CYP20A1: variants seen among roughly 807,000 people sequenced by gnomAD.
CYP20A1 encodes cytochrome P450 20A1.
CYP20A1 carries 61 observed loss-of-function variants against 61.4 expected under a neutral mutation model. That is an observed-to-expected ratio of 0.99 (90% CI 0.81 to 1.23). The LOEUF (loss-of-function observed/expected upper bound fraction) is 1.23, where lower values mean the gene tolerates loss of function less well. Ranked by LOEUF, CYP20A1 falls within the 50% of genes most tolerant of loss-of-function variation. The pLI is 0.00. For synonymous variants in CYP20A1, 193 were observed against 188.2 expected (o/e 1.03, Z -0.21); for missense variants, 530 against 542.4 (o/e 0.98, Z 0.23).
intron 10 of CYP20A1, among the ~76,000 whole-genome samples, chr2:203,290,405 A>G (rs2068483823): frequency 6.6e-6 from 1 of 152,170 alleles, no homozygotes; most frequent in African/African-American, 2.4e-5. Context: ...TTTAGTATGT[A>G]TTTTTATAGA....
intron 1 of CYP20A1, among the ~76,000 whole-genome samples, chr2:203,242,173 A>T (rs1458023241): frequency 6.6e-6 from 1 of 151,964 alleles, no homozygotes; most frequent in Non-Finnish European, 1.5e-5. Flanking sequence ...TTTTATAGAA[A>T]TGGGGTCCTG....
At chr2:203,266,884 G>T (rs1483830535) in intron 5 of CYP20A1, among the ~76,000 whole-genome samples, 1 of 152,098 alleles carries the variant, frequency 6.6e-6, no homozygotes, top group Non-Finnish European at 1.5e-5. Context: ...AGGAGGCTGA[G>T]GCATGAGAAT....
rs1187445044 is a variant in CYP20A1, at chr2:203,296,955, C to A, written c.*47C>A. ...TTGTTAAATTGATTGAGGAAAACAA[C>A]CATTTAAAAAAAATCTATGTTGAAT... On this transcript the variant is annotated 3_prime_UTR_variant, in exon 13 of 13. Coordinates refer to ENST00000356079, the MANE Select transcript of CYP20A1 (RefSeq NM_177538.3). The A allele has an allele frequency of 2.6e-6, 3 of 1,140,042 alleles. No individual in the cohort carries two copies. The highest frequency in any genetic ancestry group is 2.7e-5 in the Admixed American group (1 of 36,626). The allele number at this position is 1,140,042 out of a possible 1,614,324, so 70.6% of individuals were successfully genotyped here.
At chr2:203,258,875 A>G (rs1246213543) in intron 4 of CYP20A1, among the ~76,000 whole-genome samples, 3 of 152,264 alleles carry the variant, frequency 2.0e-5, no homozygotes, top group East Asian at 1.9e-4. Flanking sequence ...GAATCTTCCT[A>G]TTCTGCTTAA....
At chr2:203,279,902 T>C (rs1165986859) in intron 7 of CYP20A1, among the ~76,000 whole-genome samples, 157 bp from the exon 8 acceptor site, 2 of 152,230 alleles carry the variant, frequency 1.3e-5, no homozygotes, top group Non-Finnish European at 2.9e-5. Flanking sequence ...ATTCACATTA[T>C]ACAGATTTGG....
chr2:203,275,571 C>T (rs543132560), intron 6 of CYP20A1, among the ~76,000 whole-genome samples: 7 of 152,134 alleles, frequency 4.6e-5, no homozygotes, highest in African/African-American at 1.7e-4. Flanking sequence ...TCCCAAGTAG[C>T]TGGGATTACA....
rs998261324 is a variant in CYP20A1, at chr2:203,304,111, T to C, written c.*7203T>C. ...GCGGGCGAATGTAATCCCAGCTAGTTGAGAGGCTGAGGCAGGAGAATGTCT... is the reference window on the plus strand; with the variant it reads ...GCGGGCGAATGTAATCCCAGCTAGTCGAGAGGCTGAGGCAGGAGAATGTCT... On this transcript the variant is annotated 3_prime_UTR_variant, in exon 13 of 13. Transcript: ENST00000356079. Among the ~76,000 whole-genome samples, 5 of 151,784 alleles carry C rather than the reference T, an allele frequency of 3.3e-5. No homozygotes were observed. The highest frequency in any genetic ancestry group is 1.2e-4 in the African/African-American group (5 of 41,354).
At chr2:203,290,097 T>C (rs2068472469) in intron 10 of CYP20A1, among the ~76,000 whole-genome samples, 1 of 151,972 alleles carries the variant, frequency 6.6e-6, no homozygotes, top group Non-Finnish European at 1.5e-5. Context: ...CCCGCCACCA[T>C]GGCCAGCTAA....
At position 203,251,793 on chromosome 2, in the gene CYP20A1, G is replaced by GTACATATATA. The variant is rs1553513991; in HGVS notation, c.290-172_290-171insCATATATATA. ...TCAAAAGAAAACTATATATATATGT[G>GTACATATATA]TATATATATATATATATATATATAA... On this transcript the variant is annotated intron_variant, in intron 3 of 12. Transcript: ENST00000356079. 3.9e-3 allele frequency among the ~76,000 whole-genome samples: 253 copies of GTACATATATA among 64,166 alleles called. 14 individuals carry two copies. Among genetic ancestry groups the GTACATATATA allele is most frequent in the African/African-American group, 9.6e-3 (234 of 24,470 alleles). 42.1% of individuals were successfully genotyped at this position (64,166 alleles called of 152,430 possible).
chr2:203,281,846 A>G (rs1184058768), intron 8 of CYP20A1, among the ~76,000 whole-genome samples: 1 of 152,042 alleles, frequency 6.6e-6, no homozygotes, highest in Non-Finnish European at 1.5e-5. Flanking sequence ...ATGAATTTAA[A>G]TTTTAGAAAA....
intron 2 of CYP20A1, 140 bp from the exon 3 acceptor site, chr2:203,246,615 G>A (rs934374248): frequency 2.6e-6 from 2 of 765,716 alleles, no homozygotes; most frequent in African/African-American, 3.5e-5. Flanking sequence ...AAATATAATT[G>A]AGTTTTGGAT....
chr2:203,262,757 C>T (rs977549873), intron 4 of CYP20A1, among the ~76,000 whole-genome samples: 2 of 151,274 alleles, frequency 1.3e-5, no homozygotes, highest in African/African-American at 2.4e-5. Flanking sequence ...GGCGCGATCT[C>T]GGCTCACTGC....
Position 203,299,567 on chromosome 2 carries a change from T to G in CYP20A1, c.*2659T>G, listed in dbSNP as rs768556352. Among the ~76,000 whole-genome samples, 2 of 152,224 alleles carry G rather than the reference T, an allele frequency of 1.3e-5. No individual in the cohort carries two copies. Among genetic ancestry groups the G allele is most frequent in the Non-Finnish European group, 2.9e-5 (2 of 68,038 alleles). On this transcript the variant is annotated 3_prime_UTR_variant, in exon 13 of 13. Coordinates refer to ENST00000356079, the MANE Select transcript of CYP20A1 (RefSeq NM_177538.3). The stretch of plus-strand genomic sequence containing the variant: ...TATTTTTGAAAAAAAAAATTTTTTT[T>G]GGAATAACTTAAATTCTAAAACTTT...
chr2:203,295,842 G>A (rs954561674), intron 11 of CYP20A1, among the ~76,000 whole-genome samples: 2 of 152,110 alleles, frequency 1.3e-5, no homozygotes, highest in Non-Finnish European at 2.9e-5. Flanking sequence ...CCAGCTACTT[G>A]GGAGGCTGAG....
At chr2:203,287,215 C>CAAAA (rs1168549640) in intron 9 of CYP20A1, among the ~76,000 whole-genome samples, 58 of 47,054 alleles carry the variant, frequency 1.2e-3, no homozygotes, top group African/African-American at 4.3e-3. Flanking sequence ...GACCCTATCT[C>CAAAA]AAAAAAAAAA....
intron 4 of CYP20A1, among the ~76,000 whole-genome samples, chr2:203,263,912 A>G (rs2067233859): frequency 1.3e-5 from 2 of 152,146 alleles, no homozygotes; most frequent in South Asian, 4.2e-4. Flanking sequence ...TTAGCTGCTG[A>G]GAGGAGTTTT....
At position 203,301,053 on chromosome 2, in the gene CYP20A1, G is replaced by A. The variant is rs572464877; in HGVS notation, c.*4145G>A. Among the ~76,000 whole-genome samples the A allele has an allele frequency of 6.6e-5, 10 of 151,762 alleles. No homozygotes were observed. The highest frequency in any genetic ancestry group is 1.9e-4 in the East Asian group (1 of 5,172). On this transcript the variant is annotated 3_prime_UTR_variant, in exon 13 of 13. Coordinates refer to ENST00000356079, the MANE Select transcript of CYP20A1 (RefSeq NM_177538.3). ...CTCTACTAAAAATACAAAATTAGCCGGGCGTGGTGGCACATGCCTTTAATC... is the reference window on the plus strand; with the variant it reads ...CTCTACTAAAAATACAAAATTAGCCAGGCGTGGTGGCACATGCCTTTAATC...
At chr2:203,253,448 A>C (rs536584808) in intron 4 of CYP20A1, among the ~76,000 whole-genome samples, 1 of 152,280 alleles carries the variant, frequency 6.6e-6, no homozygotes, top group South Asian at 2.1e-4. Flanking sequence ...GGTCACCAAA[A>C]ATGTTGTGGG....
intron 7 of CYP20A1, 84 bp downstream of exon 7, chr2:203,278,772 T>C: frequency 2.9e-6 from 2 of 685,688 alleles, no homozygotes; most frequent in Non-Finnish European, 4.8e-6. Flanking sequence ...CCCAGCTACT[T>C]GAGAGGGTGA....
Sources: allele counts gnomAD v4.1 joint callset (sites outside exome capture counted in the v4.1 genomes callset), GRCh38; gene constraint gnomAD v4.1.1; transcripts MANE v1.5; gene names NCBI Gene and HGNC (gene_info 2026-07-23, HGNC 2026-07-21).